NBEA: variants seen among roughly 807,000 people sequenced by gnomAD.
The protein encoded by NBEA is neurobeachin, also known as lysosomal-trafficking regulator 2.
Under a neutral mutation model 343.4 loss-of-function variants are expected in NBEA, and 44 were observed. The ratio of observed to expected loss-of-function variants is 0.13; its 90% CI spans 0.10 to 0.16. The LOEUF (loss-of-function observed/expected upper bound fraction) is 0.16. NBEA is among the 10% of genes least tolerant of loss of function. The pLI, the probability that NBEA is intolerant of heterozygous loss-of-function variation, is 1.00. For missense variants in NBEA, 2,555 were observed against 3,631.3 expected (o/e 0.70, Z 7.62); for synonymous variants, 1,175 against 1,238.7 (o/e 0.95, Z 1.08).
chr13:35,045,900 GTA>G (rs1313010002), intron 4 of NBEA, among the ~76,000 whole-genome samples: 1 of 151,710 alleles, frequency 6.6e-6, no homozygotes, highest in Non-Finnish European at 1.5e-5. Context: ...GCTAATTTTT[GTA>G]TTTTTAGTAG....
intron 41 of NBEA, among the ~76,000 whole-genome samples, chr13:35,493,697 A>G (rs1016253004): frequency 1.3e-5 from 2 of 151,974 alleles, no homozygotes; most frequent in African/African-American, 2.4e-5. Context: ...AGAATATACA[A>G]TCTTTATTAA....
At chr13:35,034,714 T>C (rs2062374788) in intron 1 of NBEA, among the ~76,000 whole-genome samples, 1 of 151,922 alleles carries the variant, frequency 6.6e-6, no homozygotes, top group South Asian at 2.1e-4. Context: ...TTGTAGCTTG[T>C]TATTAATCTG....
At chr13:35,092,166 A>G (rs1166320246) in intron 10 of NBEA, among the ~76,000 whole-genome samples, 1 of 151,964 alleles carries the variant, frequency 6.6e-6, no homozygotes, top group African/African-American at 2.4e-5. Flanking sequence ...TAATGGAGGA[A>G]GGATAATCAT....
At chr13:35,237,709 T>A (rs551423746) in intron 34 of NBEA, among the ~76,000 whole-genome samples, 7 of 152,334 alleles carry the variant, frequency 4.6e-5, no homozygotes, top group African/African-American at 1.7e-4. Context: ...TTAATGTCTA[T>A]GAAAAGAAAA....
chr13:35,091,841 A>T (rs1217358265), intron 10 of NBEA, among the ~76,000 whole-genome samples: 1 of 152,034 alleles, frequency 6.6e-6, no homozygotes, highest in Admixed American at 6.6e-5. Context: ...TTAACATATA[A>T]AGATGTCATT....
intron 41 of NBEA, among the ~76,000 whole-genome samples, chr13:35,493,477 A>G (rs897758106): frequency 2.6e-5 from 4 of 151,984 alleles, no homozygotes; most frequent in African/African-American, 9.7e-5. Flanking sequence ...CCACTTTAGT[A>G]TATCTGTTTC....
chr13:35,357,587 A>G (rs1218580544), intron 38 of NBEA, among the ~76,000 whole-genome samples: 1 of 152,094 alleles, frequency 6.6e-6, no homozygotes, highest in Non-Finnish European at 1.5e-5. Context: ...GCTAAGGATA[A>G]TGGCCCCCAG....
chr13:35,479,013 G>A (rs2076008780), intron 41 of NBEA, among the ~76,000 whole-genome samples: 1 of 152,254 alleles, frequency 6.6e-6, no homozygotes, highest in Non-Finnish European at 1.5e-5. Context: ...TTGGGTTAAA[G>A]CGAAGCTAAA....
intron 18 of NBEA, among the ~76,000 whole-genome samples, chr13:35,143,879 C>A (rs1318015484): frequency 6.6e-6 from 1 of 150,426 alleles, no homozygotes; most frequent in East Asian, 1.9e-4. Flanking sequence ...CAAAGTGAGA[C>A]CCTGTCCCCT....
At chr13:35,320,094 A>G (rs2152839830) in intron 36 of NBEA, among the ~76,000 whole-genome samples, 1 of 152,256 alleles carries the variant, frequency 6.6e-6, no homozygotes, top group Admixed American at 6.5e-5. Flanking sequence ...CCCATTTAAC[A>G]TTTAAGGTTA....
At chr13:34,948,456 G>A (rs61947394) in intron 1 of NBEA, among the ~76,000 whole-genome samples, 4,497 of 152,266 alleles carry the variant, frequency 0.03, 77 homozygotes, top group South Asian at 0.056. Context: ...ACAACCTCAT[G>A]ATTCTGTTGG....
intron 48 of NBEA, among the ~76,000 whole-genome samples, chr13:35,610,578 T>G (rs964767485): frequency 1.3e-5 from 2 of 152,166 alleles, no homozygotes; most frequent in Admixed American, 1.3e-4. Flanking sequence ...GACCTAAGTT[T>G]GAAACCTGAA....
In NBEA at chr13:35,436,634, C is replaced by T. The variant is rs149105555; in HGVS notation, c.6304+4241C>T. Among the ~76,000 whole-genome samples, 38 of 148,906 alleles carry T rather than the reference C, an allele frequency of 2.6e-4. No individual in the cohort carries two copies. The East Asian group carries it at 6.8e-3, about 27-fold the overall frequency. On this transcript the variant is annotated intron_variant, in intron 39 of 58. Transcript: ENST00000379939. ...CTGAGGCAGGAGAATGGCATGAGCC[C>T]GGGAGACGGAGCTTGCAGTGAGCCT...
intron 30 of NBEA, among the ~76,000 whole-genome samples, chr13:35,189,688 TA>T (rs926176948): frequency 2.1e-4 from 32 of 152,132 alleles, no homozygotes; most frequent in African/African-American, 7.5e-4. Flanking sequence ...ACATTACTTG[TA>T]AGTGGAACTT....
At chr13:35,412,024 T>C (rs1378092847) in intron 38 of NBEA, among the ~76,000 whole-genome samples, 1 of 152,154 alleles carries the variant, frequency 6.6e-6, no homozygotes, top group Non-Finnish European at 1.5e-5. Flanking sequence ...ACTGATGTCT[T>C]ACCCTTCTTA....
At chr13:35,186,537 A>G (rs1231913497) in intron 30 of NBEA, 2 of 152,164 alleles carry the variant, frequency 1.3e-5, no homozygotes, top group Non-Finnish European at 2.9e-5. Context: ...CATTCCATCA[A>G]CATACCTGTG....
intron 34 of NBEA, among the ~76,000 whole-genome samples, chr13:35,261,283 C>T (rs1032142835): frequency 1.1e-4 from 17 of 152,090 alleles, no homozygotes; most frequent in Non-Finnish European, 1.9e-4. Context: ...CAGGCTGAGG[C>T]GGGTGGATCA....
At position 35,153,036 on chromosome 13, in the gene NBEA, C is replaced by CTTTTT. The variant is rs1170584559; in HGVS notation, c.2446-2723_2446-2719dup. 5.7e-5 allele frequency among the ~76,000 whole-genome samples: 7 copies of CTTTTT among 123,360 alleles called. 1 individual carries two copies. Among genetic ancestry groups the CTTTTT allele is most frequent in the East Asian group, 2.3e-4 (1 of 4,378 alleles). The allele number at this position is 123,360 out of a possible 152,430, so 80.9% of individuals were successfully genotyped here. On this transcript the variant is annotated intron_variant, in intron 18 of 58. Coordinates refer to ENST00000379939, the MANE Select transcript of NBEA (RefSeq NM_001385012.1). ...CTCCCTTTTTAAACTTACATAGGTT[C>CTTTTT]TTTTTTTTTTTTTTTTTTTGAGACA... is the stretch of plus-strand genomic sequence containing the variant.
intron 46 of NBEA, among the ~76,000 whole-genome samples, chr13:35,592,642 A>C (rs1327246985): frequency 1.3e-5 from 2 of 152,234 alleles, no homozygotes; most frequent in East Asian, 1.9e-4. Flanking sequence ...ACAAGAGGTG[A>C]GAGTAGTGTG....
Sources: gnomAD v4.1 joint callset for allele counts (sites outside exome capture counted in the v4.1 genomes callset) on GRCh38, gnomAD v4.1.1 for gene constraint, MANE v1.5 for transcripts, NCBI Gene and HGNC (gene_info 2026-07-23, HGNC 2026-07-21) for gene names.